The following PCSK2 variants were observed in gnomAD, a reference collection of about 807,000 sequenced individuals.
PCSK2 encodes the protein proprotein convertase subtilisin/kexin type 2, also known as neuroendocrine convertase 2.
A neutral mutation model predicts 69.7 loss-of-function variants in PCSK2; 14 were observed. That is an observed-to-expected ratio of 0.20 (90% CI 0.13 to 0.31). The LOEUF is 0.31. Among genes scored for constraint, PCSK2 ranks in the 10% least tolerant of loss-of-function variants. The pLI is 1.00. For synonymous variants in PCSK2, 307 were observed against 320.7 expected, an observed-to-expected ratio of 0.96 and a Z score of 0.46; for missense variants, 544 against 842.5, an observed-to-expected ratio of 0.65 and a Z score of 4.39.
At chr20:17,270,955 GT>G (rs2123024401) in intron 2 of PCSK2, among the ~76,000 whole-genome samples, 2 of 152,182 alleles carry the variant, frequency 1.3e-5, no homozygotes, top group East Asian at 3.9e-4. Flanking sequence ...GGACTAGTTA[GT>G]CTGTAAAATG....
At chr20:17,277,916 A>G (rs1988152944) in intron 2 of PCSK2, among the ~76,000 whole-genome samples, 1 of 152,142 alleles carries the variant, frequency 6.6e-6, no homozygotes, top group Admixed American at 6.5e-5. Flanking sequence ...GAAGGATATG[A>G]ACAGACACTT....
chr20:17,278,570 T>G (rs1337289886), intron 2 of PCSK2, among the ~76,000 whole-genome samples: 5 of 151,868 alleles, frequency 3.3e-5, no homozygotes, highest in African/African-American at 7.3e-5. Flanking sequence ...GGGACTGTTG[T>G]GGGGTGGGAG....
At chr20:17,229,408 C>A (rs563105251) in intron 1 of PCSK2, among the ~76,000 whole-genome samples, 16 of 148,818 alleles carry the variant, frequency 1.1e-4, no homozygotes, top group Non-Finnish European at 2.0e-4. Flanking sequence ...GTGGCTCCCT[C>A]CCCCTCCCCC....
chr20:17,322,788 G>A (rs1989912514), intron 2 of PCSK2, among the ~76,000 whole-genome samples: 1 of 152,148 alleles, frequency 6.6e-6, no homozygotes, highest in Admixed American at 6.5e-5. Context: ...CTTTTATAAG[G>A]GCATTAATTT....
rs117694450 is a variant in PCSK2, at chr20:17,365,530, C to T, written c.506-3710C>T. 1.3e-3 allele frequency among the ~76,000 whole-genome samples: 193 copies of T among 152,234 alleles called. 4 individuals carry two copies. In the East Asian group the frequency reaches 0.031, roughly 25 times the overall value. On this transcript the variant is annotated intron_variant, in intron 4 of 11. Transcript: ENST00000262545. ...TAGCCCCAAAAGTCTTGATTTGTTC[C>T]AGCACCAACATCAAAGTCTAAAGCC...
At chr20:17,296,400 A>T (rs923372520) in intron 2 of PCSK2, among the ~76,000 whole-genome samples, 3 of 152,222 alleles carry the variant, frequency 2.0e-5, no homozygotes, top group African/African-American at 7.2e-5. Context: ...AAAGATAAAC[A>T]TTAAATAAGA....
At chr20:17,391,558 A>C (rs1442945307) in intron 5 of PCSK2, among the ~76,000 whole-genome samples, 2 of 152,114 alleles carry the variant, frequency 1.3e-5, no homozygotes, top group African/African-American at 2.4e-5. Context: ...ACCAAGCTTC[A>C]ACTTAAATGC....
Position 17,293,504 on chromosome 20 carries a change from T to A in PCSK2, c.282+33160T>A, listed in dbSNP as rs1341280174. On this transcript the variant is annotated intron_variant, in intron 2 of 11. Transcript: ENST00000262545. ...CAGAACATTTTTTATGTTTCTAATT[T>A]ATACAGAGATTAATCAGACATGGAA... 4.6e-5 allele frequency among the ~76,000 whole-genome samples: 7 copies of A among 152,220 alleles called. No individual in the cohort carries two copies. The East Asian group carries it at 1.3e-3, about 29-fold the overall frequency.
chr20:17,355,672 C>CAGAG (rs1555790633), intron 2 of PCSK2, among the ~76,000 whole-genome samples: 506 of 151,740 alleles, frequency 3.3e-3, no homozygotes, highest in Non-Finnish European at 4.8e-3. Context: ...CACACACACA[C>CAGAG]ACAGAGAGAG....
chr20:17,350,454 T>G (rs759133508), intron 2 of PCSK2, among the ~76,000 whole-genome samples: 13 of 151,886 alleles, frequency 8.6e-5, no homozygotes, highest in Non-Finnish European at 1.3e-4. Context: ...CCCTTTCTCC[T>G]GGCCCCTCCC....
intron 4 of PCSK2, among the ~76,000 whole-genome samples, chr20:17,366,786 C>G (rs2030605929): frequency 2.0e-5 from 3 of 152,128 alleles, no homozygotes; most frequent in African/African-American, 7.2e-5. Context: ...TTCCTCTTAA[C>G]CTAATTTAAG....
At chr20:17,254,513 A>T (rs1257200808) in intron 1 of PCSK2, among the ~76,000 whole-genome samples, 1 of 152,150 alleles carries the variant, frequency 6.6e-6, no homozygotes, top group Non-Finnish European at 1.5e-5. Flanking sequence ...CCATAAGTTG[A>T]TTATCATAAA....
intron 6 of PCSK2, among the ~76,000 whole-genome samples, chr20:17,424,076 A>T (rs1432630346): frequency 6.6e-6 from 1 of 152,250 alleles, no homozygotes; most frequent in Non-Finnish European, 1.5e-5. Context: ...TTATGGGTAC[A>T]TGGAAATAAT....
chr20:17,358,311 A>C lies in PCSK2; in HGVS notation c.283-16A>C, dbSNP rs2030276519. ...TCAGATTATATTCAGGTAATATGTC[A>C]GCATTGTCATTCCAGGTAAAGATGG... On this transcript the variant is annotated splice_polypyrimidine_tract_variant and intron_variant, in intron 2 of 11. Coordinates refer to ENST00000262545, the MANE Select transcript of PCSK2 (RefSeq NM_002594.5). 1 of 1,415,006 alleles carries C rather than the reference A, an allele frequency of 7.1e-7. No homozygotes were observed. Among genetic ancestry groups the C allele is most frequent in the Non-Finnish European group, 1.0e-6 (1 of 998,480 alleles). 87.7% of individuals were successfully genotyped at this position (1,415,006 alleles called of 1,614,324 possible).
intron 2 of PCSK2, among the ~76,000 whole-genome samples, chr20:17,332,209 G>C (rs181620190): frequency 6.6e-6 from 1 of 152,194 alleles, no homozygotes; most frequent in African/African-American, 2.4e-5. Context: ...GGCTGATCTA[G>C]GGTGGACTCA....
At chr20:17,280,459 A>G (rs1354298716) in intron 2 of PCSK2, among the ~76,000 whole-genome samples, 1 of 152,238 alleles carries the variant, frequency 6.6e-6, no homozygotes, top group East Asian at 1.9e-4. Context: ...TCCCAGAATG[A>G]TGCCATGTGG....
Position 17,416,277 on chromosome 20 carries a change from C to T in PCSK2, c.620+6938C>T, listed in dbSNP as rs373186741. On this transcript the variant is annotated intron_variant, in intron 6 of 11. Coordinates refer to ENST00000262545, the MANE Select transcript of PCSK2 (RefSeq NM_002594.5). Reference sequence around the variant, plus strand: ...GAGAAAATTTTTGCAATCTACCCATCTGACAAAGGGCTAATATCCAGAATC... The same window carrying T: ...GAGAAAATTTTTGCAATCTACCCATTTGACAAAGGGCTAATATCCAGAATC... Among the ~76,000 whole-genome samples the T allele has an allele frequency of 2.6e-5, 4 of 152,314 alleles. No individual in the cohort carries two copies. The East Asian group carries it at 7.7e-4, about 29-fold the overall frequency.
At chr20:17,257,477 T>C (rs1168205778) in intron 1 of PCSK2, among the ~76,000 whole-genome samples, 2 of 152,200 alleles carry the variant, frequency 1.3e-5, no homozygotes, top group Non-Finnish European at 2.9e-5. Flanking sequence ...TGCACACATA[T>C]GTTTATTTCT....
chr20:17,389,159 C>T (rs117078043), intron 5 of PCSK2, among the ~76,000 whole-genome samples: 2,611 of 149,892 alleles, frequency 0.017, 38 homozygotes, highest in Admixed American at 0.041. Context: ...TCTACATTAC[C>T]GCCATAAATG....
Sources: allele counts gnomAD v4.1 joint callset (sites outside exome capture counted in the v4.1 genomes callset), GRCh38; gene constraint gnomAD v4.1.1; transcripts MANE v1.5; gene names NCBI Gene and HGNC (gene_info 2026-07-23, HGNC 2026-07-21).